Variants in NTM observed in about 807,000 individuals in gnomAD.
NTM encodes neurotrimin.
Under a neutral mutation model 42.1 loss-of-function variants are expected in NTM, and 13 were observed. That is an observed-to-expected ratio of 0.31 (90% CI 0.20 to 0.49). The LOEUF (loss-of-function observed/expected upper bound fraction) is 0.49, where lower values mean the gene tolerates loss of function less well. Ranked by LOEUF, NTM falls within the 20% of genes least tolerant of loss-of-function variation. The pLI, the probability that NTM is intolerant of heterozygous loss-of-function variation, is 0.99. For synonymous variants in NTM, 187 were observed against 179.2 expected (o/e 1.04, Z -0.35); for missense variants, 373 against 452.8 (o/e 0.82, Z 1.60).
At chr11:131,874,055 A>ATC in intron 1 of NTM, among the ~76,000 whole-genome samples, 1 of 102,436 alleles carries the variant, frequency 9.8e-6, no homozygotes, top group Non-Finnish European at 2.1e-5. Context: ...ATATATATAT[A>ATC]TATATATATA....
intron 3 of NTM, among the ~76,000 whole-genome samples, chr11:132,199,872 C>T (rs887030561): frequency 3.3e-5 from 5 of 151,648 alleles, no homozygotes; most frequent in African/African-American, 9.7e-5. Context: ...CCTCCAATCT[C>T]GGGGGGAGAT....
At chr11:131,994,210 T>G (rs2067568930) in intron 2 of NTM, among the ~76,000 whole-genome samples, 1 of 152,198 alleles carries the variant, frequency 6.6e-6, no homozygotes, top group Non-Finnish European at 1.5e-5. Context: ...ACAGTTGTAT[T>G]CTTTATTGTT....
chr11:131,558,757 G>T (rs1450322788), intron 1 of NTM, among the ~76,000 whole-genome samples: 7 of 152,130 alleles, frequency 4.6e-5, no homozygotes. Flanking sequence ...TGAGAGGATA[G>T]TGTCAGCTGG....
rs568660217 is a variant in NTM, at chr11:132,210,211, A to ATAGT, written c.401-1808_401-1805dup. The stretch of plus-strand genomic sequence containing the variant: ...TTGCACAGCATGGTGGCTCTGAGGA[A>ATAGT]TAGTTATTCAAGGAAAGAATATAAC... On this transcript the variant is annotated intron_variant, in intron 3 of 8. Transcript: ENST00000683400. 9.2e-5 allele frequency among the ~76,000 whole-genome samples: 14 copies of ATAGT among 152,316 alleles called. No individual in the cohort carries two copies. In the South Asian group the frequency reaches 1.7e-3, roughly 18 times the overall value.
intron 2 of NTM, among the ~76,000 whole-genome samples, chr11:131,924,398 T>G (rs1482799779): frequency 6.6e-6 from 1 of 152,182 alleles, no homozygotes; most frequent in Non-Finnish European, 1.5e-5. Flanking sequence ...TCTTGAGTTT[T>G]GAGGAAGAGA....
intron 1 of NTM, among the ~76,000 whole-genome samples, chr11:131,598,677 C>T (rs1303603758): frequency 7.3e-6 from 1 of 137,414 alleles, no homozygotes; most frequent in African/African-American, 2.5e-5. Context: ...ACTCTCTTCT[C>T]ATTTGTTTTC....
chr11:132,101,180 C>T (rs4313594), intron 2 of NTM, among the ~76,000 whole-genome samples: 106,924 of 151,944 alleles, frequency 0.7, 38,332 homozygotes, highest in African/African-American at 0.77. Flanking sequence ...TGTTTTCTTC[C>T]TCTCCTGCCC....
chr11:131,480,992 TG>T (rs1234722653), intron 1 of NTM, among the ~76,000 whole-genome samples: 1 of 151,940 alleles, frequency 6.6e-6, no homozygotes, highest in Non-Finnish European at 1.5e-5. Flanking sequence ...CTGGGCACAG[TG>T]GGGTAGAAGT....
chr11:131,826,564 T>C (rs1254733554), intron 1 of NTM, among the ~76,000 whole-genome samples: 1 of 143,542 alleles, frequency 7.0e-6, no homozygotes, highest in Non-Finnish European at 1.5e-5. Flanking sequence ...CGTAATATTC[T>C]AAAAAAAAAA....
chr11:131,588,203 C>G (rs908335697), intron 1 of NTM, among the ~76,000 whole-genome samples: 11 of 152,252 alleles, frequency 7.2e-5, no homozygotes, highest in Admixed American at 7.2e-4. Flanking sequence ...CAAGCTCACT[C>G]AAATGACTGT....
At position 132,084,887 on chromosome 11, in the gene NTM, G is replaced by T. The variant is rs147788532; in HGVS notation, c.168-61395G>T. Among the ~76,000 whole-genome samples, 875 of 152,274 alleles carry T rather than the reference G, an allele frequency of 5.7e-3. 13 individuals carry two copies. Among genetic ancestry groups the T allele is most frequent in the African/African-American group, 0.02 (826 of 41,570 alleles). On this transcript the variant is annotated intron_variant, in intron 2 of 8. Coordinates refer to ENST00000683400, the MANE Select transcript of NTM (RefSeq NM_001352005.2). The stretch of plus-strand genomic sequence containing the variant: ...TGATGTCAACCCCAATTTATTAAAT[G>T]AAACCTTATAGAAAATTCTATGCAA...
intron 2 of NTM, among the ~76,000 whole-genome samples, chr11:132,104,295 G>A (rs2061994418): frequency 6.6e-6 from 1 of 152,118 alleles, no homozygotes; most frequent in African/African-American, 2.4e-5. Context: ...TTTGAGTGAT[G>A]AGATTATAGG....
intron 1 of NTM, among the ~76,000 whole-genome samples, chr11:131,389,676 T>C (rs1294052556): frequency 1.3e-5 from 2 of 152,170 alleles, no homozygotes; most frequent in Non-Finnish European, 2.9e-5. Flanking sequence ...TATTGAAAAA[T>C]TAGAAACTGA....
chr11:131,515,019 C>T (rs1165127924), intron 1 of NTM, among the ~76,000 whole-genome samples: 2 of 152,278 alleles, frequency 1.3e-5, no homozygotes, highest in Admixed American at 6.5e-5. Flanking sequence ...AGCGATCCTC[C>T]TGCCTCAACC....
Position 131,711,537 on chromosome 11 carries a change from C to T in NTM, c.83-200027C>T, listed in dbSNP as rs532105083. The stretch of plus-strand genomic sequence containing the variant: ...AACACTTTTACACTGTTGGTGGGAT[C>T]GTAAACTAATTCAACCATTGTGGAA... On this transcript the variant is annotated intron_variant, in intron 1 of 8. Coordinates refer to ENST00000683400, the MANE Select transcript of NTM (RefSeq NM_001352005.2). 2.9e-4 allele frequency among the ~76,000 whole-genome samples: 44 copies of T among 152,202 alleles called. No homozygotes were observed. In the East Asian group the frequency reaches 8.2e-3, roughly 28 times the overall value.
At chr11:131,978,405 C>T (rs2064735434) in intron 2 of NTM, among the ~76,000 whole-genome samples, 1 of 152,088 alleles carries the variant, frequency 6.6e-6, no homozygotes, top group African/African-American at 2.4e-5. Flanking sequence ...TTATTCGGGT[C>T]AGAGCACCTA....
At chr11:131,789,636 A>AGAAGAAGAAGAAGAAGAAGAAGAAGAAG (rs1555127949) in intron 1 of NTM, among the ~76,000 whole-genome samples, 3 of 30,900 alleles carry the variant, frequency 9.7e-5, no homozygotes, top group Admixed American at 2.7e-4. Flanking sequence ...AAGAAGAAGA[A>AGAAGAAGAAGAAGAAGAAGAAGAAGAAG]AAGAAGAAGA....
intron 2 of NTM, among the ~76,000 whole-genome samples, chr11:132,004,325 A>G (rs942307040): frequency 1.3e-5 from 2 of 152,330 alleles, no homozygotes; most frequent in South Asian, 4.1e-4. Context: ...ATCTCATTAC[A>G]TCTGTCAAAA....
chr11:131,992,428 G>A (rs912975018), intron 2 of NTM, among the ~76,000 whole-genome samples: 2 of 151,592 alleles, frequency 1.3e-5, no homozygotes, highest in African/African-American at 4.8e-5. Flanking sequence ...CTGCATGGGG[G>A]TCCACACTCC....
Sources: allele counts gnomAD v4.1 joint callset (sites outside exome capture counted in the v4.1 genomes callset), GRCh38; gene constraint gnomAD v4.1.1; transcripts MANE v1.5; gene names NCBI Gene and HGNC (gene_info 2026-07-23, HGNC 2026-07-21).